The following ZNF81 variants were observed in gnomAD, a reference collection of about 807,000 sequenced individuals.
The protein encoded by ZNF81 is zinc finger protein 81 (HFZ20).
In ZNF81, 5 loss-of-function variants were observed where a neutral mutation model predicts 32.3. The observed-to-expected ratio is 0.15, with a 90% CI of 0.08 to 0.33. ZNF81 has a LOEUF of 0.33. Among genes scored for constraint, ZNF81 ranks in the 10% least tolerant of loss-of-function variants. The pLI, the probability that ZNF81 is intolerant of heterozygous loss-of-function variation, is 1.00. For synonymous variants in ZNF81, 163 were observed against 166.8 expected, an observed-to-expected ratio of 0.98 and a Z score of 0.17; for missense variants, 379 against 479.8, an observed-to-expected ratio of 0.79 and a Z score of 1.96.
intron 1 of ZNF81, among the ~76,000 whole-genome samples, chrX:47,837,770 G>A (rs184228206): frequency 2.7e-5 from 3 of 112,245 alleles, no homozygotes; most frequent in Admixed American, 9.4e-5. Flanking sequence ...TGGATAGAGT[G>A]ATTCCTCTCA....
In ZNF81 at chrX:47,915,706, A is replaced by G; in HGVS notation, c.1060A>G (p.Arg354Gly). Reference protein sequence around the residue: ...ELIMHEKTHTREKPYKCNECG... With the variant: ...ELIMHEKTHTGEKPYKCNECG... ...AATTATGCATGAGAAAACTCATACT[A>G]GAGAGAAACCCTATAAATGCAATGA... is the stretch of plus-strand genomic sequence containing the variant. Residue 354 changes from arginine to glycine, a missense_variant, in exon 5 of 5, where the codon AGA becomes GGA. Coordinates refer to ENST00000338637, the MANE Select transcript of ZNF81 (RefSeq NM_007137.5). The G allele has an allele frequency of 8.3e-7, 1 of 1,210,331 alleles. No homozygotes were observed. The highest frequency in any genetic ancestry group is 2.2e-5 in the Admixed American group (1 of 45,838).
chrX:47,881,647 T>C (rs2058621100), intron 2 of ZNF81, among the ~76,000 whole-genome samples: 2 of 112,382 alleles, frequency 1.8e-5, no homozygotes, highest in African/African-American at 6.5e-5. Flanking sequence ...TTTCAATTAA[T>C]TTTTTTCCCC....
At position 47,924,676 on chromosome X, in the gene ZNF81, C is replaced by G. The variant is rs1328507432; in HGVS notation, c.*8044C>G. ...GACAATTCTCCTTGAATCTCATGTT[C>G]TTCATGTTTAGACATTAACAAGCAA... On this transcript the variant is annotated 3_prime_UTR_variant, in exon 5 of 5. Coordinates refer to ENST00000338637, the MANE Select transcript of ZNF81 (RefSeq NM_007137.5). Among the ~76,000 whole-genome samples, 1 of 111,644 alleles carries G rather than the reference C, an allele frequency of 9.0e-6. No individual in the cohort carries two copies. Among genetic ancestry groups the G allele is most frequent in the Non-Finnish European group, 1.9e-5 (1 of 53,089 alleles).
Position 47,915,397 on chromosome X carries a change from T to C in ZNF81, c.751T>C (p.Cys251Arg). ...TGVKFCERNQ[C>R]GKVLSLKHSL... Reference sequence around the variant, plus strand: ...AGTGAAGTTCTGTGAACGTAATCAATGTGGAAAAGTCCTCAGCCTCAAACA... The same window carrying C: ...AGTGAAGTTCTGTGAACGTAATCAACGTGGAAAAGTCCTCAGCCTCAAACA... The change falls in exon 5 of 5, where the codon TGT becomes CGT. Residue 251 changes from cysteine to arginine, a missense_variant. Physicochemically the swap from Cys to Arg is radical, Grantham distance 180. Transcript: ENST00000338637. 1.7e-6 allele frequency: 2 copies of C among 1,211,681 alleles called. No homozygotes were observed. The highest frequency in any genetic ancestry group is 2.2e-6 in the Non-Finnish European group (2 of 895,474).
At chrX:47,914,393 T>C (rs1225834268) in intron 4 of ZNF81, among the ~76,000 whole-genome samples, 3 of 112,211 alleles carry the variant, frequency 2.7e-5, no homozygotes, top group Admixed American at 9.4e-5. Context: ...TGTAATGAAA[T>C]TGAAAAATGG....
At chrX:47,865,644 C>T (rs188686621) in intron 2 of ZNF81, among the ~76,000 whole-genome samples, 163 of 111,812 alleles carry the variant, frequency 1.5e-3, no homozygotes, top group Admixed American at 2.1e-3. Context: ...CATTGGTTTG[C>T]AGTTTATCCA....
At chrX:47,885,702 T>C (rs2058638891) in intron 2 of ZNF81, among the ~76,000 whole-genome samples, 1 of 111,461 alleles carries the variant, frequency 9.0e-6, no homozygotes, top group African/African-American at 3.3e-5. Context: ...AGGAAGGATG[T>C]AGCTAGTTCC....
Position 47,836,922 on chromosome X carries a change from C to T in ZNF81, c.-229C>T, listed in dbSNP as rs1187437960. Reference sequence around the variant, plus strand: ...TGACCGGAAGCGGCTGCGGTTCTCGCCGGTTCTCAGCCGGGGTTTGATAGT... The same window carrying T: ...TGACCGGAAGCGGCTGCGGTTCTCGTCGGTTCTCAGCCGGGGTTTGATAGT... On this transcript the variant is annotated 5_prime_UTR_variant, in exon 1 of 5. Transcript: ENST00000338637. The T allele has an allele frequency of 8.6e-6, 2 of 232,107 alleles. No homozygotes were observed. The highest frequency in any genetic ancestry group is 1.7e-5 in the Non-Finnish European group (2 of 121,119). 19.1% of individuals were successfully genotyped at this position (232,107 alleles called of 1,213,427 possible).
rs1231129767 is a variant in ZNF81 at position 47,918,145 on chromosome X, G to A, written c.*1513G>A. ...GCATATGATACGATACAGAAAGAGA[G>A]AAATGAACTAAAGAAATAACTGTTT... On this transcript the variant is annotated 3_prime_UTR_variant, in exon 5 of 5. Transcript: ENST00000338637. The A allele has an allele frequency of 9.0e-6, 1 of 110,711 alleles. No individual in the cohort carries two copies. Among genetic ancestry groups the A allele is most frequent in the Non-Finnish European group, 1.9e-5 (1 of 53,043 alleles). The allele number at this position is 110,711 out of a possible 1,213,427, so 9.1% of individuals were successfully genotyped here. A position where few individuals can be genotyped will look rare whatever the true frequency, so the allele number is the denominator to read the frequency against.
chrX:47,916,257 C>T lies in ZNF81; in HGVS notation c.1611C>T (p.Asp537=). The change falls in exon 5 of 5, where the codon GAC becomes GAT. Residue 537 remains aspartate (D), a synonymous_variant. Coordinates refer to ENST00000338637, the MANE Select transcript of ZNF81 (RefSeq NM_007137.5). Reference sequence around the variant, plus strand: ...CTGAATGTGGGAAGGCCTTCACCGACAGGTCAAATTTCAATAAACACCAGA... The same window carrying T: ...CTGAATGTGGGAAGGCCTTCACCGATAGGTCAAATTTCAATAAACACCAGA... ...ICAECGKAFT[D]RSNFNKHQTI... is the part of the protein sequence containing the mutation. 5 of 1,210,802 alleles carry T rather than the reference C, an allele frequency of 4.1e-6. No individual in the cohort carries two copies. The highest frequency in any genetic ancestry group is 5.6e-6 in the Non-Finnish European group (5 of 895,238).
intron 2 of ZNF81, among the ~76,000 whole-genome samples, chrX:47,875,676 T>C (rs782768608): frequency 4.5e-5 from 5 of 112,301 alleles, no homozygotes; most frequent in Non-Finnish European, 9.4e-5. Flanking sequence ...CCCATCCTCA[T>C]CAGCAGATTG....
intron 1 of ZNF81, among the ~76,000 whole-genome samples, chrX:47,838,132 A>G (rs1352720553): frequency 1.8e-5 from 2 of 112,359 alleles, no homozygotes; most frequent in African/African-American, 6.5e-5. Flanking sequence ...TTGCTTATAT[A>G]TAGGAATACA....
chrX:47,904,633 A>C (rs1361985012), intron 4 of ZNF81, among the ~76,000 whole-genome samples: 1 of 111,853 alleles, frequency 8.9e-6, no homozygotes, highest in East Asian at 2.8e-4. Flanking sequence ...AACTAGTTCA[A>C]CCATTGTGGA....
intron 1 of ZNF81, among the ~76,000 whole-genome samples, chrX:47,844,816 A>G (rs1252196625): frequency 1.8e-5 from 2 of 112,322 alleles, no homozygotes; most frequent in African/African-American, 3.2e-5. Context: ...GAGAGCCCCA[A>G]TTTATTCACA....
intron 2 of ZNF81, among the ~76,000 whole-genome samples, chrX:47,886,400 T>G (rs868922285): frequency 9.0e-5 from 10 of 111,472 alleles, no homozygotes; most frequent in Middle Eastern, 4.6e-3. Context: ...CTGTGGTATG[T>G]GGTAGCTCAA....
intron 2 of ZNF81, among the ~76,000 whole-genome samples, chrX:47,882,142 T>C (rs1208489699): frequency 5.4e-5 from 6 of 111,172 alleles, no homozygotes; most frequent in African/African-American, 1.6e-4. Flanking sequence ...ATGTATAGTT[T>C]GATGAGTTTT....
At chrX:47,873,614 C>G (rs1436566142) in intron 2 of ZNF81, among the ~76,000 whole-genome samples, 1 of 111,787 alleles carries the variant, frequency 8.9e-6, no homozygotes, top group Non-Finnish European at 1.9e-5. Context: ...AGCGTGATTC[C>G]TTTGGAAAAT....
intron 1 of ZNF81, among the ~76,000 whole-genome samples, chrX:47,839,074 T>A: frequency 8.9e-6 from 1 of 112,681 alleles, no homozygotes; most frequent in East Asian, 2.8e-4. Flanking sequence ...TGTTAGCCAC[T>A]GCTCTTGGCT....
intron 4 of ZNF81, among the ~76,000 whole-genome samples, chrX:47,905,409 T>TAAAA (rs782351301): frequency 1.7e-4 from 5 of 29,451 alleles, no homozygotes; most frequent in Admixed American, 4.4e-4. Flanking sequence ...AGACTCCATC[T>TAAAA]AAAAAAAAAA....
Sources: allele counts gnomAD v4.1 joint callset (sites outside exome capture counted in the v4.1 genomes callset), GRCh38; gene constraint gnomAD v4.1.1; transcripts MANE v1.5; gene names NCBI Gene and HGNC (gene_info 2026-07-23, HGNC 2026-07-21).